The following ASTN2 variants were observed in gnomAD, a reference collection of about 807,000 sequenced individuals.
ASTN2 encodes the protein astrotactin-2.
In ASTN2, 54 loss-of-function variants were observed where a neutral mutation model predicts 139.8. The ratio of observed to expected loss-of-function variants is 0.39; its 90% CI spans 0.31 to 0.48. The LOEUF (loss-of-function observed/expected upper bound fraction) is 0.48, where lower values mean the gene tolerates loss of function less well. Ranked by LOEUF, ASTN2 falls within the 20% of genes least tolerant of loss-of-function variation. ASTN2 has a pLI of 0.95. For synonymous variants in ASTN2, 756 were observed against 719.5 expected, an observed-to-expected ratio of 1.05 and a Z score of -0.81; for missense variants, 1,565 against 1,725.1, an observed-to-expected ratio of 0.91 and a Z score of 1.64.
intron 13 of ASTN2, among the ~76,000 whole-genome samples, chr9:116,757,249 C>T (rs1434628095): frequency 3.3e-5 from 5 of 152,180 alleles, no homozygotes; most frequent in East Asian, 1.9e-4. Flanking sequence ...AGCACTTACC[C>T]GGAGTGCCTT....
At chr9:116,839,005 TCTC>T (rs1832106017) in intron 11 of ASTN2, among the ~76,000 whole-genome samples, 1 of 152,194 alleles carries the variant, frequency 6.6e-6, no homozygotes, top group Non-Finnish European at 1.5e-5. Flanking sequence ...AATGACTTGT[TCTC>T]CTCCAAGGAC....
At position 117,113,683 on chromosome 9, in the gene ASTN2, A is replaced by C. The variant is rs561482253; in HGVS notation, c.1169-17532T>G. ...AAAAACAAAACAAAACAAAACAAAA[A>C]AAAAAGGATCTACTGACAGGTGTAA... On this transcript the variant is annotated intron_variant, in intron 4 of 22. Transcript: ENST00000313400. 9.5e-3 allele frequency among the ~76,000 whole-genome samples: 1,442 copies of C among 151,932 alleles called. 6 individuals carry two copies. The highest frequency in any genetic ancestry group is 0.017 in the Middle Eastern group (5 of 294).
chr9:117,112,444 A>G (rs971734548), intron 4 of ASTN2, among the ~76,000 whole-genome samples: 1 of 152,190 alleles, frequency 6.6e-6, no homozygotes, highest in African/African-American at 2.4e-5. Context: ...GGATAGGAAT[A>G]TAAATCAGTG....
At chr9:117,274,424 TA>T in intron 2 of ASTN2, among the ~76,000 whole-genome samples, 1 of 152,290 alleles carries the variant, frequency 6.6e-6, no homozygotes, top group Non-Finnish European at 1.5e-5. Context: ...CTTCCCAAGC[TA>T]AGGAATCTCT....
At chr9:116,471,014 G>T (rs766876404) in intron 20 of ASTN2, among the ~76,000 whole-genome samples, 2 of 152,060 alleles carry the variant, frequency 1.3e-5, no homozygotes, top group Non-Finnish European at 2.9e-5. Context: ...AATCTCTGGG[G>T]TTTCCTCTCC....
At chr9:116,541,675 G>A (rs1851883335) in intron 19 of ASTN2, among the ~76,000 whole-genome samples, 1 of 152,168 alleles carries the variant, frequency 6.6e-6, no homozygotes, top group Admixed American at 6.5e-5. Context: ...ACAGAACAAG[G>A]CAAGAGCTGA....
intron 3 of ASTN2, 88 bp downstream of exon 3, chr9:117,214,270 C>A (rs1268517273): frequency 6.8e-7 from 1 of 1,464,164 alleles, no homozygotes; most frequent in Admixed American, 2.1e-5. Context: ...AAAACACTGC[C>A]TGTAGTCCCC....
chr9:117,414,258 C>A lies in ASTN2; in HGVS notation c.442+239G>T, dbSNP rs142541766. ...AGGTCGGGACTGAGAGGCAGAGGGG[C>A]AGGTTCCCACTGCGGGAGGGTTGGC... On this transcript the variant is annotated intron_variant, in intron 1 of 22. Coordinates refer to ENST00000313400, the MANE Select transcript of ASTN2 (RefSeq NM_001365068.1). The surrounding 1 kb of genome is among the most constrained non-coding windows in gnomAD (Gnocchi z 4.2). Among the ~76,000 whole-genome samples the A allele has an allele frequency of 6.6e-6, 1 of 152,140 alleles. No individual in the cohort carries two copies. The highest frequency in any genetic ancestry group is 1.5e-5 in the Non-Finnish European group (1 of 68,022).
At chr9:117,177,693 G>T (rs1367690615) in intron 3 of ASTN2, among the ~76,000 whole-genome samples, 1 of 152,142 alleles carries the variant, frequency 6.6e-6, no homozygotes, top group Non-Finnish European at 1.5e-5. Flanking sequence ...TCCTTAATTT[G>T]GGAGGATTGC....
chr9:117,035,452 A>T (rs1312686599), intron 6 of ASTN2, among the ~76,000 whole-genome samples: 1 of 152,190 alleles, frequency 6.6e-6, no homozygotes, highest in African/African-American at 2.4e-5. Context: ...AGGCACTATT[A>T]TCGCTTTCCC....
chr9:116,662,400 C>A (rs1858615191), intron 16 of ASTN2, among the ~76,000 whole-genome samples: 2 of 151,312 alleles, frequency 1.3e-5, no homozygotes, highest in South Asian at 4.2e-4. Flanking sequence ...TGGTGAAACC[C>A]TGTCTCCACT....
intron 19 of ASTN2, among the ~76,000 whole-genome samples, chr9:116,548,951 C>A (rs1417117252): frequency 6.6e-6 from 1 of 152,098 alleles, no homozygotes; most frequent in Non-Finnish European, 1.5e-5. Flanking sequence ...TAAGCTTTTG[C>A]ATTTAAGGAT....
At chr9:116,620,532 C>G (rs207470523) in intron 17 of ASTN2, 89 bp from the exon 18 acceptor site, 4 of 1,547,130 alleles carry the variant, frequency 2.6e-6, no homozygotes, top group Non-Finnish European at 2.7e-6. Flanking sequence ...TGTGAGCCAT[C>G]GAGGGCTTTA....
intron 10 of ASTN2, among the ~76,000 whole-genome samples, chr9:116,942,090 GCACACACA>G (rs71379244): frequency 2.3e-4 from 34 of 149,872 alleles, no homozygotes; most frequent in East Asian, 5.9e-4. Context: ...ACGCACGCAC[GCACACACA>G]CACACACACA....
chr9:116,795,604 T>A (rs1830669118), intron 13 of ASTN2, among the ~76,000 whole-genome samples: 1 of 152,266 alleles, frequency 6.6e-6, no homozygotes, highest in South Asian at 2.1e-4. Flanking sequence ...CCTGGGCATT[T>A]GATGAAAGCA....
chr9:117,223,713 A>G (rs1832606693), intron 2 of ASTN2, among the ~76,000 whole-genome samples: 1 of 152,242 alleles, frequency 6.6e-6, no homozygotes, highest in Admixed American at 6.5e-5. Context: ...ATTTGCATGT[A>G]TACATGTATG....
intron 4 of ASTN2, among the ~76,000 whole-genome samples, chr9:117,110,825 T>C (rs559453720): frequency 2.6e-5 from 4 of 152,306 alleles, no homozygotes; most frequent in African/African-American, 9.6e-5. Context: ...AGGAGTAAGT[T>C]TGCCATTGTC....
chr9:117,045,975 T>TGTAC (rs1440128117), intron 5 of ASTN2, among the ~76,000 whole-genome samples: 1 of 102,022 alleles, frequency 9.8e-6, no homozygotes. Context: ...TATGTATGTA[T>TGTAC]GTATGTACGT....
intron 1 of ASTN2, among the ~76,000 whole-genome samples, chr9:117,342,572 A>G (rs1439898728): frequency 6.6e-6 from 1 of 152,106 alleles, no homozygotes; most frequent in African/African-American, 2.4e-5. Flanking sequence ...TGCCACTAAT[A>G]AACTAGGAAC....
Sources: gnomAD v4.1 joint callset for allele counts (sites outside exome capture counted in the v4.1 genomes callset) on GRCh38, gnomAD v4.1.1 for gene constraint, Gnocchi (gnomAD v3.1) non-coding constraint, MANE v1.5 for transcripts, NCBI Gene and HGNC (gene_info 2026-07-23, HGNC 2026-07-21) for gene names.